The following ZBTB24 variants were observed in gnomAD, a reference collection of about 807,000 sequenced individuals.
ZBTB24 encodes the protein zinc finger and BTB domain containing 24, also known as zinc finger and BTB domain-containing protein 24.
In ZBTB24, 32 loss-of-function variants were observed where a neutral mutation model predicts 53.8. The observed-to-expected ratio is 0.60, with a 90% CI of 0.45 to 0.80. The LOEUF is 0.80. ZBTB24 is among the 30% of genes least tolerant of loss of function. The pLI is 0.00. For synonymous variants in ZBTB24, 297 were observed against 306.7 expected (o/e 0.97, Z 0.33); for missense variants, 722 against 837.1 (o/e 0.86, Z 1.70).
At chr6:109,474,993 T>C (rs757536538) in intron 5 of ZBTB24, among the ~76,000 whole-genome samples, 1 of 146,730 alleles carries the variant, frequency 6.8e-6, no homozygotes, top group Non-Finnish European at 1.5e-5. Context: ...TGGTGAGCTG[T>C]GATCGTGCCA....
intron 2 of ZBTB24, among the ~76,000 whole-genome samples, chr6:109,479,287 T>C (rs1051341335): frequency 3.9e-5 from 6 of 152,224 alleles, no homozygotes; most frequent in African/African-American, 1.4e-4. Flanking sequence ...AAACCCATCA[T>C]ACTGAAAATA....
intron 5 of ZBTB24, among the ~76,000 whole-genome samples, chr6:109,467,968 TTC>T (rs1348986082): frequency 2.0e-5 from 3 of 152,002 alleles, no homozygotes; most frequent in Admixed American, 1.3e-4. Context: ...TAAGGCATGG[TTC>T]TCTTAAAAAC....
intron 1 of ZBTB24, among the ~76,000 whole-genome samples, 156 bp from the exon 2 acceptor site, chr6:109,482,210 G>A (rs554171416): frequency 6.6e-6 from 1 of 152,278 alleles, no homozygotes; most frequent in East Asian, 1.9e-4. Flanking sequence ...CGGGCGCAGT[G>A]GCCTCACGCC....
chr6:109,477,051 T>C, intron 2 of ZBTB24, 121 bp from the exon 3 acceptor site: 2 of 1,365,336 alleles, frequency 1.5e-6, no homozygotes, highest in Admixed American at 2.0e-5. Context: ...AGGCCAACAA[T>C]GAACACAAGA....
At chr6:109,469,787 G>C (rs1282136845) in intron 5 of ZBTB24, among the ~76,000 whole-genome samples, 1 of 152,222 alleles carries the variant, frequency 6.6e-6, no homozygotes, top group Non-Finnish European at 1.5e-5. Flanking sequence ...GTGCTGGATG[G>C]GGTGGGCAGG....
Position 109,466,122 on chromosome 6 carries a change from G to C in ZBTB24, c.1823C>G (p.Ser608Ter). 1 of 1,614,262 alleles carries C rather than the reference G, an allele frequency of 6.2e-7. No homozygotes were observed. Among genetic ancestry groups the C allele is most frequent in the Non-Finnish European group, 8.5e-7 (1 of 1,180,050 alleles). The stretch of plus-strand genomic sequence containing the variant: ...GTGTTCTGTTTGCTCCTGTTGAGCT[G>C]AAAGAATTAAATTCTGCAGTTGCTC... The part of the protein sequence containing the change: ...QPEQLQNLIL[S>*]AQQEQTEHIQ... The change falls in exon 7 of 7, where the codon TCA (serine) becomes TGA (stop). Residue 608 changes from serine (S) to a stop codon, truncating the protein, a stop_gained. Coordinates refer to ENST00000230122, the MANE Select transcript of ZBTB24 (RefSeq NM_014797.3). LOFTEE classifies it high-confidence loss of function.
rs1227524023 is a variant in ZBTB24, at chr6:109,472,260, T to C, written c.1288+3139A>G. The stretch of plus-strand genomic sequence containing the variant: ...GACAGATGGGTCATAGTTGCTGCTC[T>C]TGAAGAACCCCAATTTTTTGATAGG... On this transcript the variant is annotated intron_variant, in intron 5 of 6. Coordinates refer to ENST00000230122, the MANE Select transcript of ZBTB24 (RefSeq NM_014797.3). 6.6e-5 allele frequency among the ~76,000 whole-genome samples: 10 copies of C among 152,282 alleles called. No homozygotes were observed. In the East Asian group the frequency reaches 1.7e-3, roughly 27 times the overall value.
intron 5 of ZBTB24, among the ~76,000 whole-genome samples, chr6:109,470,555 C>T (rs960171543): frequency 1.3e-5 from 2 of 152,218 alleles, no homozygotes; most frequent in African/African-American, 4.8e-5. Context: ...TTAATGACAA[C>T]ATCACCCAGC....
chr6:109,463,716 A>C lies in ZBTB24; in HGVS notation c.*2135T>G, dbSNP rs1775963441. 6.6e-6 allele frequency: 1 copy of C among 152,244 alleles called. No individual in the cohort carries two copies. Among genetic ancestry groups the C allele is most frequent in the African/African-American group, 2.4e-5 (1 of 41,472 alleles). The allele number at this position is 152,244 out of a possible 1,614,324, so 9.4% of individuals were successfully genotyped here. A position where few individuals can be genotyped will look rare whatever the true frequency, so the allele number is the denominator to read the frequency against. The stretch of plus-strand genomic sequence containing the variant: ...GTGCAGAAAGTGTAAAATACACACC[A>C]GATTTCGAAAGCTTAGTATGAAAAA... On this transcript the variant is annotated 3_prime_UTR_variant, in exon 7 of 7. Transcript: ENST00000230122.
intron 1 of ZBTB24, among the ~76,000 whole-genome samples, chr6:109,482,686 T>C (rs1358524135): frequency 1.3e-5 from 2 of 151,998 alleles, no homozygotes; most frequent in South Asian, 2.1e-4. Context: ...TTCTATAAAA[T>C]GAAGGAATGG....
Position 109,466,297 on chromosome 6 carries a change from G to A in ZBTB24, c.1648C>T (p.Gln550Ter). ...QPYQLSTSGE[Q>*]EIQLLVTDSV... is the part of the protein sequence containing the mutation. Reference sequence around the variant, plus strand: ...TCGGTTACGAGAAGCTGAATTTCCTGCTCTCCCGAGGTAGAGAGTTGATAT... The same window carrying A: ...TCGGTTACGAGAAGCTGAATTTCCTACTCTCCCGAGGTAGAGAGTTGATAT... Residue 550 changes from glutamine (Q) to a stop codon, truncating the protein, a stop_gained, in exon 7 of 7, where the codon CAG (glutamine) becomes TAG (stop). Coordinates refer to ENST00000230122, the MANE Select transcript of ZBTB24 (RefSeq NM_014797.3). LOFTEE classifies it high-confidence loss of function. 6.2e-7 allele frequency: 1 copy of A among 1,614,224 alleles called. No homozygotes were observed. The highest frequency in any genetic ancestry group is 8.5e-7 in the Non-Finnish European group (1 of 1,180,044).
In ZBTB24 at chr6:109,462,911, T is replaced by C. The variant is rs980113986; in HGVS notation, c.*2940A>G. ...TAGTAGAAAATGAATTGTGAAACAC[T>C]GCACTAGCAACATCATTTCTCAAGG... On this transcript the variant is annotated 3_prime_UTR_variant, in exon 7 of 7. Transcript: ENST00000230122. 1 of 152,244 alleles carries C rather than the reference T, an allele frequency of 6.6e-6. No individual in the cohort carries two copies. Among genetic ancestry groups the C allele is most frequent in the Non-Finnish European group, 1.5e-5 (1 of 68,040 alleles). The allele number at this position is 152,244 out of a possible 1,614,324, so 9.4% of individuals were successfully genotyped here.
rs1316941278 is a variant in ZBTB24 at position 109,464,525 on chromosome 6, T to A, written c.*1326A>T. The stretch of plus-strand genomic sequence containing the variant: ...GCTTACATGAAAGTGGTAAAAGAAT[T>A]CAATAAGCTTAGCTTGAAAACCTAA... On this transcript the variant is annotated 3_prime_UTR_variant, in exon 7 of 7. Coordinates refer to ENST00000230122, the MANE Select transcript of ZBTB24 (RefSeq NM_014797.3). The A allele has an allele frequency of 6.6e-6, 1 of 152,212 alleles. No individual in the cohort carries two copies. Among genetic ancestry groups the A allele is most frequent in the Non-Finnish European group, 1.5e-5 (1 of 68,038 alleles). 9.4% of individuals were successfully genotyped at this position (152,212 alleles called of 1,614,324 possible).
intron 2 of ZBTB24, among the ~76,000 whole-genome samples, chr6:109,477,353 G>A (rs1275981519): frequency 6.6e-6 from 1 of 152,002 alleles, no homozygotes; most frequent in East Asian, 1.9e-4. Flanking sequence ...ATCTCACTAT[G>A]TTGCCCAGGC....
chr6:109,467,386 G>A (rs1359846628), intron 6 of ZBTB24, among the ~76,000 whole-genome samples: 2 of 152,154 alleles, frequency 1.3e-5, no homozygotes, highest in Non-Finnish European at 2.9e-5. Context: ...CTAGCTGGGT[G>A]TGGTATCCCA....
At chr6:109,467,247 G>C (rs1392280513) in intron 6 of ZBTB24, among the ~76,000 whole-genome samples, 2 of 152,148 alleles carry the variant, frequency 1.3e-5, no homozygotes, top group African/African-American at 4.8e-5. Flanking sequence ...AATAGGCCAG[G>C]TGTGGTGGCT....
intron 5 of ZBTB24, among the ~76,000 whole-genome samples, chr6:109,468,860 C>T (rs1446428105): frequency 6.8e-6 from 1 of 147,276 alleles, no homozygotes; most frequent in African/African-American, 2.6e-5. Flanking sequence ...CATACAATGA[C>T]AGACTGTTCA....
At chr6:109,478,239 G>C (rs1411312971) in intron 2 of ZBTB24, among the ~76,000 whole-genome samples, 1 of 152,196 alleles carries the variant, frequency 6.6e-6, no homozygotes, top group East Asian at 1.9e-4. Flanking sequence ...TGAGGCTCCA[G>C]AAGAAGGTCT....
chr6:109,464,971 A>G lies in ZBTB24; in HGVS notation c.*880T>C, dbSNP rs1304456153. The stretch of plus-strand genomic sequence containing the variant: ...TCAGTAGAGTATATATAAGACTTAA[A>G]TTACACTGAATAAAGTTTTATGTTC... On this transcript the variant is annotated 3_prime_UTR_variant, in exon 7 of 7. Transcript: ENST00000230122. 6.6e-6 allele frequency: 1 copy of G among 152,236 alleles called. No homozygotes were observed. Among genetic ancestry groups the G allele is most frequent in the African/African-American group, 2.4e-5 (1 of 41,454 alleles). 9.4% of individuals were successfully genotyped at this position (152,236 alleles called of 1,614,324 possible).
Sources: allele counts gnomAD v4.1 joint callset (sites outside exome capture counted in the v4.1 genomes callset), GRCh38; gene constraint gnomAD v4.1.1; transcripts MANE v1.5; gene names NCBI Gene and HGNC (gene_info 2026-07-23, HGNC 2026-07-21).